The following SH2D3A variants were observed in gnomAD, a reference collection of about 807,000 sequenced individuals.
SH2D3A encodes SH2 domain containing 3A, also known as SH2 domain-containing protein 3A.
Under a neutral mutation model 50.6 loss-of-function variants are expected in SH2D3A, and 46 were observed. The observed-to-expected ratio is 0.91, with a 90% CI of 0.72 to 1.16. The LOEUF is 1.16. SH2D3A is among the 50% of genes most tolerant of loss of function. The probability of loss-of-function intolerance (pLI) is 0.00; values close to 1 mark genes in which losing one functional copy is unlikely to be tolerated. For synonymous variants in SH2D3A, 377 were observed against 348.4 expected (o/e 1.08, Z -0.91); for missense variants, 783 against 786.2 (o/e 1.00, Z 0.05).
intron 2 of SH2D3A, 72 bp downstream of exon 2, chr19:6,763,608 A>T (rs942614821): frequency 2.7e-5 from 39 of 1,446,046 alleles, no homozygotes; most frequent in African/African-American, 5.6e-5. Flanking sequence ...TCATCCAGGG[A>T]CCCAGGAATC....
At chr19:6,756,335 G>A (rs1044272987) in intron 4 of SH2D3A, among the ~76,000 whole-genome samples, 1 of 150,748 alleles carries the variant, frequency 6.6e-6, no homozygotes, top group African/African-American at 2.4e-5. Flanking sequence ...AATTAATATA[G>A]ATATCTATAG....
intron 2 of SH2D3A, among the ~76,000 whole-genome samples, chr19:6,763,344 G>A (rs566725909): frequency 6.6e-6 from 1 of 152,114 alleles, no homozygotes; most frequent in African/African-American, 2.4e-5. Context: ...GATTACAGGC[G>A]TGAGCCACCA....
intron 4 of SH2D3A, among the ~76,000 whole-genome samples, chr19:6,756,439 T>G (rs1568265050): frequency 1.3e-5 from 2 of 151,348 alleles, no homozygotes; most frequent in African/African-American, 2.5e-5. Flanking sequence ...TCTTTTCTTT[T>G]TTTTCTTTTT....
rs1336104364 is a variant in SH2D3A, at chr19:6,752,625, C to A, written c.1699G>T (p.Val567Phe). Reference sequence around the variant, plus strand: ...TCAGGCTCCAGGCGCTGCGACAGGACGCCGAGGACGCGCTGGAACTTCTCA... The same window carrying A: ...TCAGGCTCCAGGCGCTGCGACAGGAAGCCGAGGACGCGCTGGAACTTCTCA... ...RFEKFQRVLG[V>F]LSQRLEPDR Residue 567 changes from valine (V) to phenylalanine (F), a missense_variant, in exon 10 of 10, where the codon GTC becomes TTC. By Grantham distance (50) the Val-to-Phe change is conservative. Transcript: ENST00000245908. The A allele has an allele frequency of 1.3e-6, 2 of 1,557,752 alleles. No individual in the cohort carries two copies. The highest frequency in any genetic ancestry group is 1.7e-6 in the Non-Finnish European group (2 of 1,150,178).
Position 6,754,657 on chromosome 19 carries a change from A to C in SH2D3A, c.1056T>G (p.Thr352=), listed in dbSNP as rs1193693928. ...ACCTCAAGTGGTGTCCATGGGGAAGAGTGAGCAGCTCCAGGCCAGATGAGA... is the reference window on the plus strand; with the variant it reads ...ACCTCAAGTGGTGTCCATGGGGAAGCGTGAGCAGCTCCAGGCCAGATGAGA... ...MGVSSGLELL[T]LPHGHHLRLE... The change falls in exon 6 of 10, where the codon ACT becomes ACG. Residue 352 remains threonine, a synonymous_variant. Coordinates refer to ENST00000245908, the MANE Select transcript of SH2D3A (RefSeq NM_005490.3). 1 of 1,614,072 alleles carries C rather than the reference A, an allele frequency of 6.2e-7. No individual in the cohort carries two copies. The highest frequency in any genetic ancestry group is 1.3e-5 in the African/African-American group (1 of 74,910).
At chr19:6,763,903 ATCTT>A in intron 1 of SH2D3A, 87 bp from the exon 2 acceptor site, 10 of 266,756 alleles carry the variant, frequency 3.7e-5, no homozygotes, top group South Asian at 7.5e-5. Flanking sequence ...GCTCCATCAA[ATCTT>A]TTTTTTTTTT....
chr19:6,763,308 C>T (rs1970127889), intron 2 of SH2D3A, among the ~76,000 whole-genome samples: 2 of 152,038 alleles, frequency 1.3e-5, no homozygotes, highest in South Asian at 4.2e-4. Context: ...AAGTGATCCG[C>T]CCACCTCGGC....
Position 6,759,687 on chromosome 19 carries a change from G to A in SH2D3A, c.420-17C>T, listed in dbSNP as rs1218953087. On this transcript the variant is annotated splice_polypyrimidine_tract_variant and intron_variant, in intron 3 of 9. Transcript: ENST00000245908. ...TTCCTTGCCCTGGGGGACAGAAGTGGGAGAAACCTGTAGTCCCCACCTAAG... is the reference window on the plus strand; with the variant it reads ...TTCCTTGCCCTGGGGGACAGAAGTGAGAGAAACCTGTAGTCCCCACCTAAG... 7 of 1,612,830 alleles carry A rather than the reference G, an allele frequency of 4.3e-6. No homozygotes were observed. The Admixed American group carries it at 1.0e-4, about 23-fold the overall frequency.
At position 6,765,747 on chromosome 19, in the gene SH2D3A, C is replaced by CAA. The variant is rs397945080; in HGVS notation, c.-69+1638_-69+1639dup. ...TGGGTGACAGAGCAAGACTCCGTCT[C>CAA]AAAAAAAAAAAAAAAAAAAAGAATG... is the stretch of plus-strand genomic sequence containing the variant. On this transcript the variant is annotated intron_variant, in intron 1 of 9. Coordinates refer to ENST00000245908, the MANE Select transcript of SH2D3A (RefSeq NM_005490.3). 6.1e-3 allele frequency among the ~76,000 whole-genome samples: 384 copies of CAA among 63,078 alleles called. 3 individuals are homozygous for CAA. The highest frequency in any genetic ancestry group is 0.017 in the African/African-American group (317 of 18,990). 41.4% of individuals were successfully genotyped at this position (63,078 alleles called of 152,430 possible). A position where few individuals can be genotyped will look rare whatever the true frequency, so the allele number is the denominator to read the frequency against.
chr19:6,756,080 A>C (rs981778126), intron 4 of SH2D3A, among the ~76,000 whole-genome samples: 2 of 150,390 alleles, frequency 1.3e-5, no homozygotes, highest in Non-Finnish European at 3.0e-5. Flanking sequence ...CAAAAAAAAA[A>C]AAAAGATATC....
At chr19:6,756,832 G>A (rs1197628844) in intron 4 of SH2D3A, among the ~76,000 whole-genome samples, 2 of 151,860 alleles carry the variant, frequency 1.3e-5, no homozygotes, top group African/African-American at 2.4e-5. Flanking sequence ...AGCTACACTC[G>A]TGTGTCCCTC....
At position 6,766,375 on chromosome 19, in the gene SH2D3A, C is replaced by CT. The variant is rs56954131; in HGVS notation, c.-69+1011dup. Among the ~76,000 whole-genome samples, 427 of 84,974 alleles carry CT rather than the reference C, an allele frequency of 5.0e-3. 2 individuals carry two copies. The highest frequency in any genetic ancestry group is 0.029 in the African/African-American group (418 of 14,584). 55.7% of individuals were successfully genotyped at this position (84,974 alleles called of 152,430 possible). On this transcript the variant is annotated intron_variant, in intron 1 of 9. Coordinates refer to ENST00000245908, the MANE Select transcript of SH2D3A (RefSeq NM_005490.3). ...GTCAGCCAAAGGCCAACTAAGCCAT[C>CT]TCCTGCCTCTGAGTCCTTTGGGATC...
intron 1 of SH2D3A, among the ~76,000 whole-genome samples, chr19:6,766,822 A>C (rs1970325311): frequency 6.6e-6 from 1 of 152,246 alleles, no homozygotes; most frequent in Non-Finnish European, 1.5e-5. Flanking sequence ...GAGGCTGGAC[A>C]GGACAGCCTC....
chr19:6,756,604 G>T (rs1969694946), intron 4 of SH2D3A, among the ~76,000 whole-genome samples: 1 of 152,146 alleles, frequency 6.6e-6, no homozygotes, highest in South Asian at 2.1e-4. Flanking sequence ...GTGGCATGTT[G>T]ATCTCCTGGA....
At chr19:6,767,261 C>T (rs2144663051) in intron 1 of SH2D3A, 126 bp downstream of exon 1, 1 of 152,360 alleles carries the variant, frequency 6.6e-6, no homozygotes, top group Non-Finnish European at 1.5e-5. Context: ...GCACAGCGAC[C>T]CTCTCATTCG....
At position 6,755,300 on chromosome 19, in the gene SH2D3A, G is replaced by T. The variant is rs767734841; in HGVS notation, c.512C>A (p.Pro171His). 6.6e-7 allele frequency: 1 copy of T among 1,513,482 alleles called. No homozygotes were observed. The highest frequency in any genetic ancestry group is 8.8e-7 in the Non-Finnish European group (1 of 1,131,006). 93.8% of individuals were successfully genotyped at this position (1,513,482 alleles called of 1,614,324 possible). A position where few individuals can be genotyped will look rare whatever the true frequency, so the allele number is the denominator to read the frequency against. Residue 171 changes from proline (P) to histidine (H), a missense_variant, in exon 5 of 10, where the codon CCC (proline) becomes CAC (histidine). By Grantham distance (77) the Pro-to-His change is moderately conservative. Transcript: ENST00000245908. Reference protein sequence around the residue: ...DPAGMEASTMPISALPRTSSD... With the variant: ...DPAGMEASTMHISALPRTSSD... ...GCTCGTTCGGGGCAAGGCAGATATGGGCATGGTGGAGGCTTCTAGAGGTCA... is the reference window on the plus strand; with the variant it reads ...GCTCGTTCGGGGCAAGGCAGATATGTGCATGGTGGAGGCTTCTAGAGGTCA...
intron 4 of SH2D3A, among the ~76,000 whole-genome samples, chr19:6,755,687 C>T (rs977185176): frequency 5.3e-5 from 8 of 151,872 alleles, no homozygotes; most frequent in African/African-American, 1.2e-4. Context: ...CCTTGCCTGA[C>T]CCTATGAATT....
chr19:6,764,673 G>C (rs926064482), intron 1 of SH2D3A, among the ~76,000 whole-genome samples: 13 of 151,960 alleles, frequency 8.6e-5, no homozygotes, highest in Admixed American at 4.6e-4. Context: ...CTAAACCATG[G>C]ATGGGATATA....
intron 3 of SH2D3A, 39 bp downstream of exon 3, chr19:6,760,599 T>A: frequency 5.6e-6 from 8 of 1,423,456 alleles, no homozygotes; most frequent in East Asian, 4.9e-5. Flanking sequence ...ACCCTGCGAG[T>A]GTTGGGTGTT....
Sources: gnomAD v4.1 joint callset for allele counts (sites outside exome capture counted in the v4.1 genomes callset) on GRCh38, gnomAD v4.1.1 for gene constraint, MANE v1.5 for transcripts, NCBI Gene and HGNC (gene_info 2026-07-23, HGNC 2026-07-21) for gene names.